SLC25A48: variants seen among roughly 807,000 people sequenced by gnomAD.
SLC25A48 encodes solute carrier family 25 member 48.
In SLC25A48, 29 loss-of-function variants were observed where a neutral mutation model predicts 32.2. That is an observed-to-expected ratio of 0.90 (90% CI 0.67 to 1.23). SLC25A48 has a LOEUF of 1.23. Ranked by LOEUF, SLC25A48 falls within the 50% of genes most tolerant of loss-of-function variation. The probability of loss-of-function intolerance (pLI) is 0.00; values close to 1 mark genes in which losing one functional copy is unlikely to be tolerated. For synonymous variants in SLC25A48, 164 were observed against 172.3 expected, an observed-to-expected ratio of 0.95 and a Z score of 0.38; for missense variants, 399 against 422.7, an observed-to-expected ratio of 0.94 and a Z score of 0.49.
At chr5:135,834,548 TTGA>T (rs1758335911), upstream of SLC25A48, 5 of 432,994 alleles carry the variant, frequency 1.2e-5, no homozygotes, top group Non-Finnish European at 2.0e-5. Flanking sequence ...AGAATTTCAC[TTGA>T]TGACCCTTGC....
At chr5:135,799,968 A>G (rs547598196) in intron 3 of SLC25A48, among the ~76,000 whole-genome samples, 18 of 151,774 alleles carry the variant, frequency 1.2e-4, no homozygotes, top group African/African-American at 4.1e-4. Flanking sequence ...AGAGAATATC[A>G]CTCCCAAAAT....
At chr5:135,606,226 C>T (rs1314202331) in intron 1 of SLC25A48, among the ~76,000 whole-genome samples, 1 of 152,126 alleles carries the variant, frequency 6.6e-6, no homozygotes, top group Non-Finnish European at 1.5e-5. Flanking sequence ...TCTGCATTGT[C>T]AGGGAGGTGG....
chr5:135,763,790 CGAGA>C (rs1554072857), intron 3 of SLC25A48, among the ~76,000 whole-genome samples: 2 of 151,314 alleles, frequency 1.3e-5, no homozygotes, highest in South Asian at 2.1e-4. Flanking sequence ...CACACACACA[CGAGA>C]GAGAGACAGA....
rs141570866 is a variant in SLC25A48, at chr5:135,715,889, C to T, written c.-521+80933C>T. ...CTTTCTGAGGCTAAAATCAGCTTGA[C>T]ATGCCTGTGCTGTGATGTAATCCTG... On this transcript the variant is annotated intron_variant, in intron 3 of 10. Coordinates refer to the SLC25A48 transcript ENST00000646290. Among the ~76,000 whole-genome samples, 140 of 152,324 alleles carry T rather than the reference C, an allele frequency of 9.2e-4. 1 individual carries two copies. The highest frequency in any genetic ancestry group is 3.3e-3 in the African/African-American group (136 of 41,570).
chr5:135,744,204 G>A (rs1358649812), intron 3 of SLC25A48, among the ~76,000 whole-genome samples: 1 of 151,888 alleles, frequency 6.6e-6, no homozygotes, highest in Non-Finnish European at 1.5e-5. Context: ...ATATAAACAC[G>A]AGCCTCCTGG....
chr5:135,677,839 A>C (rs1753806481), intron 3 of SLC25A48, among the ~76,000 whole-genome samples: 1 of 152,134 alleles, frequency 6.6e-6, no homozygotes, highest in East Asian at 1.9e-4. Flanking sequence ...TGACTATGTG[A>C]TCCCATTCTT....
intron 3 of SLC25A48, among the ~76,000 whole-genome samples, chr5:135,647,939 G>A (rs1393039184): frequency 6.6e-6 from 1 of 152,118 alleles, no homozygotes; most frequent in Non-Finnish European, 1.5e-5. Flanking sequence ...GCCTGTGGTT[G>A]TAGAGAGAGG....
intron 3 of SLC25A48, among the ~76,000 whole-genome samples, chr5:135,797,318 C>T (rs983448530): frequency 6.6e-6 from 1 of 151,738 alleles, no homozygotes; most frequent in African/African-American, 2.4e-5. Context: ...TTCTAATATC[C>T]ACAGAAGGAT....
chr5:135,730,290 G>A (rs13158124), intron 3 of SLC25A48, among the ~76,000 whole-genome samples: 109,443 of 152,006 alleles, frequency 0.72, 40,942 homozygotes, highest in Middle Eastern at 0.85. Context: ...GTGGAAGGTA[G>A]TTGACTCATG....
chr5:135,775,991 G>A (rs1203767414), intron 3 of SLC25A48, among the ~76,000 whole-genome samples: 1 of 151,624 alleles, frequency 6.6e-6, no homozygotes, highest in Non-Finnish European at 1.5e-5. Context: ...ATATCACAGG[G>A]GGTTTACACC....
chr5:135,789,011 A>G (rs1239848930), intron 3 of SLC25A48, among the ~76,000 whole-genome samples: 1 of 150,726 alleles, frequency 6.6e-6, no homozygotes, highest in Non-Finnish European at 1.5e-5. Context: ...TGAGTAGGAG[A>G]GGGTGGTATT....
At chr5:135,886,641 T>TAAAAA (rs397935705) in intron 7 of SLC25A48, among the ~76,000 whole-genome samples, 3 of 17,912 alleles carry the variant, frequency 1.7e-4, no homozygotes, top group Non-Finnish European at 2.6e-4. Flanking sequence ...ATATATAAAA[T>TAAAAA]ATATATATGT....
chr5:135,610,713 C>T (rs985052798), intron 1 of SLC25A48, among the ~76,000 whole-genome samples: 1 of 152,198 alleles, frequency 6.6e-6, no homozygotes, highest in Non-Finnish European at 1.5e-5. Flanking sequence ...CCTAAAACTT[C>T]AGTACTTGGA....
intron 3 of SLC25A48, among the ~76,000 whole-genome samples, chr5:135,790,342 T>A (rs1329351948): frequency 1.3e-5 from 2 of 151,848 alleles, no homozygotes; most frequent in Non-Finnish European, 2.9e-5. Context: ...TTATTCATAA[T>A]GTCCTAGGGA....
At chr5:135,860,046 T>G (rs1253862085) in intron 4 of SLC25A48, among the ~76,000 whole-genome samples, 1 of 152,158 alleles carries the variant, frequency 6.6e-6, no homozygotes, top group African/African-American at 2.4e-5. Context: ...TCTCATTACT[T>G]TTAGGGAAGG....
chr5:135,857,421 C>T (rs772052958), intron 4 of SLC25A48, among the ~76,000 whole-genome samples: 6 of 152,234 alleles, frequency 3.9e-5, no homozygotes, highest in Non-Finnish European at 5.9e-5. Context: ...GCCAATGTGA[C>T]ATGCTCACTC....
chr5:135,668,330 C>A (rs764499556), intron 3 of SLC25A48, among the ~76,000 whole-genome samples: 7 of 152,122 alleles, frequency 4.6e-5, no homozygotes, highest in Non-Finnish European at 8.8e-5. Context: ...TAAATGTAAC[C>A]TTATATCCAT....
chr5:135,701,327 A>G (rs1356326302), intron 3 of SLC25A48, among the ~76,000 whole-genome samples: 1 of 152,058 alleles, frequency 6.6e-6, no homozygotes, highest in East Asian at 1.9e-4. Context: ...AGGTTCAACA[A>G]CTTCACATCT....
intron 3 of SLC25A48, among the ~76,000 whole-genome samples, chr5:135,765,970 C>T (rs11242267): frequency 0.3 from 45,829 of 150,800 alleles, 7,102 homozygotes; most frequent in East Asian, 0.46. Flanking sequence ...TACATCCCCC[C>T]GTGATATGGT....
Sources: allele counts gnomAD v4.1 joint callset (sites outside exome capture counted in the v4.1 genomes callset), GRCh38; gene constraint gnomAD v4.1.1; transcripts MANE v1.5; gene names NCBI Gene and HGNC (gene_info 2026-07-23, HGNC 2026-07-21).